ADD1: variants seen among roughly 807,000 people sequenced by gnomAD.
The protein encoded by ADD1 is adducin 1, also known as alpha-adducin.
A neutral mutation model predicts 80.5 loss-of-function variants in ADD1; 24 were observed. The observed-to-expected ratio is 0.30, with a 90% CI of 0.22 to 0.42. ADD1 has a LOEUF of 0.42. ADD1 is among the 10% of genes least tolerant of loss of function. The pLI, the probability that ADD1 is intolerant of heterozygous loss-of-function variation, is 1.00. For synonymous variants in ADD1, 373 were observed against 393.8 expected, an observed-to-expected ratio of 0.95 and a Z score of 0.63; for missense variants, 948 against 1,019.0, an observed-to-expected ratio of 0.93 and a Z score of 0.95.
In ADD1 at chr4:2,907,840, A is replaced by G; in HGVS notation, c.1604A>G (p.Asn535Ser). The G allele has an allele frequency of 6.2e-7, 1 of 1,613,592 alleles. No homozygotes were observed. The highest frequency in any genetic ancestry group is 8.5e-7 in the Non-Finnish European group (1 of 1,179,710). Residue 535 changes from asparagine (N) to serine (S), a missense_variant, in exon 11 of 16, where the codon AAC (asparagine) becomes AGC (serine). Physicochemically the swap from Asn to Ser is conservative, Grantham distance 46 (BLOSUM62 1). Transcript: ENST00000683351. ...TNPKEVQEMR[N>S]KIREQNLQDI... is the part of the protein sequence containing the mutation. ...CCAAAAGAGGTCCAGGAGATGAGGAACAAGGTGCGTCCTGCGTCGGCACTC... is the reference window on the plus strand; with the variant it reads ...CCAAAAGAGGTCCAGGAGATGAGGAGCAAGGTGCGTCCTGCGTCGGCACTC...
At chr4:2,920,725 A>G (rs527439299) in intron 14 of ADD1, among the ~76,000 whole-genome samples, 1 of 148,162 alleles carries the variant, frequency 6.7e-6, no homozygotes, top group Non-Finnish European at 1.5e-5. Context: ...GAGCCAGTGC[A>G]TATCTTCGCA....
chr4:2,926,413 A>G lies in ADD1; in HGVS notation c.2047+301A>G. 2 of 694,028 alleles carry G rather than the reference A, an allele frequency of 2.9e-6. No homozygotes were observed. Among genetic ancestry groups the G allele is most frequent in the Non-Finnish European group, 5.3e-6 (2 of 380,854 alleles). The allele number at this position is 694,028 out of a possible 1,614,324, so 43.0% of individuals were successfully genotyped here. On this transcript the variant is annotated intron_variant, in intron 15 of 15. Transcript: ENST00000683351. This position sits in a 1 kb window ranked among gnomAD's most constrained non-coding sequence, Gnocchi z 5.0. Reference sequence around the variant, plus strand: ...CTCCTCGTGCCGTGTTGTCATGCAGATGCCACCTTCGGAGGTGCCCTCCGC... The same window carrying G: ...CTCCTCGTGCCGTGTTGTCATGCAGGTGCCACCTTCGGAGGTGCCCTCCGC...
chr4:2,876,172 T>G (rs1160138395), intron 2 of ADD1, 62 bp downstream of exon 2: 2 of 1,496,550 alleles, frequency 1.3e-6, no homozygotes, highest in Non-Finnish European at 1.8e-6. Context: ...ACTTCAGGTC[T>G]TATGCCCTGT....
At chr4:2,889,055 C>T (rs115515104) in intron 4 of ADD1, among the ~76,000 whole-genome samples, 2,955 of 152,158 alleles carry the variant, frequency 0.019, 56 homozygotes, top group Non-Finnish European at 0.028. Flanking sequence ...CCAAGAATAG[C>T]TAAGACACTC....
intron 1 of ADD1, among the ~76,000 whole-genome samples, chr4:2,849,517 A>G (rs1726747045): frequency 6.6e-6 from 1 of 152,212 alleles, no homozygotes; most frequent in South Asian, 2.1e-4. Context: ...GGCGCAGTAG[A>G]TGTAACTACA....
chr4:2,927,103 G>A (rs1032047186), intron 15 of ADD1, among the ~76,000 whole-genome samples: 2 of 152,250 alleles, frequency 1.3e-5, no homozygotes, highest in Non-Finnish European at 2.9e-5. Flanking sequence ...CAGAGGAGCG[G>A]ATATTGGACC....
chr4:2,890,659 C>T (rs1190436192), intron 4 of ADD1, among the ~76,000 whole-genome samples: 13 of 152,114 alleles, frequency 8.5e-5, no homozygotes, highest in East Asian at 1.9e-4. Context: ...CCGCCCTTCT[C>T]GCCCTCCCAA....
chr4:2,927,765 C>T (rs1712092754), intron 15 of ADD1, among the ~76,000 whole-genome samples: 1 of 152,158 alleles, frequency 6.6e-6, no homozygotes, highest in Admixed American at 6.5e-5. Context: ...TGTTGTAGAC[C>T]CAAATTTAGA....
rs772545648 is a variant in ADD1, at chr4:2,908,595, C to T, written c.1689C>T (p.Ser563=). 2 of 1,614,038 alleles carry T rather than the reference C, an allele frequency of 1.2e-6. No individual in the cohort carries two copies. Among genetic ancestry groups the T allele is most frequent in the Admixed American group, 1.7e-5 (1 of 60,032 alleles). Residue 563 remains serine, a synonymous_variant, in exon 12 of 16, where the codon AGC becomes AGT. Coordinates refer to ENST00000683351, the MANE Select transcript of ADD1 (RefSeq NM_001354761.2). ...QVLCGVVMDR[S]LVQDAPLSDC... is the part of the protein sequence containing the mutation. ...TGTGTGGTGTAGTGATGGACAGGAG[C>T]CTCGTCCAGGTGAGAGCCCAGAGTG...
Position 2,926,572 on chromosome 4 carries a change from T to C in ADD1, c.2047+460T>C. 2 of 1,566,352 alleles carry C rather than the reference T, an allele frequency of 1.3e-6. No individual in the cohort carries two copies. Among genetic ancestry groups the C allele is most frequent in the Non-Finnish European group, 1.8e-6 (2 of 1,142,768 alleles). ...GCCCTGCCTTTCTTCTTCTGTAACC[T>C]GATGGCTGTGACTGAATGCATAGAT... On this transcript the variant is annotated intron_variant, in intron 15 of 15. Transcript: ENST00000683351. This position sits in a 1 kb window ranked among gnomAD's most constrained non-coding sequence, Gnocchi z 5.0.
At chr4:2,914,758 T>C in intron 13 of ADD1, 126 bp from the exon 14 acceptor site, 1 of 1,095,280 alleles carries the variant, frequency 9.1e-7, no homozygotes. Flanking sequence ...CCCATGGCAG[T>C]GCAGTCTCAG....
intron 9 of ADD1, chr4:2,901,310 G>C (rs1459343943): frequency 6.6e-6 from 1 of 152,210 alleles, no homozygotes; most frequent in African/African-American, 2.4e-5. Flanking sequence ...GAGGAGAGAG[G>C]GGGGTCAGAA....
chr4:2,902,038 A>G (rs1736283386), intron 9 of ADD1: 1 of 152,098 alleles, frequency 6.6e-6, no homozygotes, highest in Non-Finnish European at 1.5e-5. Flanking sequence ...TATGGGTGTA[A>G]ACTACCACGC....
chr4:2,914,584 C>T (rs905650902), intron 13 of ADD1: 3 of 274,496 alleles, frequency 1.1e-5, no homozygotes, highest in East Asian at 6.8e-5. Flanking sequence ...GAGTGGGCAC[C>T]CTCCCTGAGG....
At chr4:2,874,585 C>T (rs1316667921) in intron 1 of ADD1, among the ~76,000 whole-genome samples, 3 of 146,090 alleles carry the variant, frequency 2.1e-5, no homozygotes, top group Non-Finnish European at 3.0e-5. Context: ...CCAGAATGAG[C>T]GACAGAGTGA....
chr4:2,881,127 G>T (rs1270518271), intron 2 of ADD1, among the ~76,000 whole-genome samples: 1 of 136,788 alleles, frequency 7.3e-6, no homozygotes, highest in African/African-American at 2.9e-5. Context: ...GCCCAGGCTG[G>T]AGTGCAATGG....
chr4:2,903,422 C>T (rs188291989), intron 9 of ADD1, among the ~76,000 whole-genome samples: 1 of 152,162 alleles, frequency 6.6e-6, no homozygotes, highest in African/African-American at 2.4e-5. Context: ...AGTCCAGGCA[C>T]AGCGAACTCA....
rs891738530 is a variant in ADD1 at position 2,929,535 on chromosome 4, A to G, written c.*1012A>G. ...ATGCTGTTGTTGTTACTTCCCTCCA[A>G]GAGGCTGGAAAAGGGCTCAGAGCTG... is the stretch of plus-strand genomic sequence containing the variant. On this transcript the variant is annotated 3_prime_UTR_variant, in exon 16 of 16. Coordinates refer to ENST00000683351, the MANE Select transcript of ADD1 (RefSeq NM_001354761.2). 4.6e-5 allele frequency: 7 copies of G among 152,248 alleles called. No homozygotes were observed. Among genetic ancestry groups the G allele is most frequent in the African/African-American group, 7.2e-5 (3 of 41,444 alleles). The allele number at this position is 152,248 out of a possible 1,614,324, so 9.4% of individuals were successfully genotyped here.
chr4:2,888,698 G>A (rs1182944587), intron 4 of ADD1, among the ~76,000 whole-genome samples: 1 of 152,076 alleles, frequency 6.6e-6, no homozygotes, highest in African/African-American at 2.4e-5. Context: ...GGTTATAGGT[G>A]TGAGCCACTG....
Sources: allele counts gnomAD v4.1 joint callset (sites outside exome capture counted in the v4.1 genomes callset), GRCh38; gene constraint gnomAD v4.1.1; non-coding constraint Gnocchi (gnomAD v3.1); transcripts MANE v1.5; gene names NCBI Gene and HGNC (gene_info 2026-07-23, HGNC 2026-07-21).